Variants in SNTB2 observed in about 807,000 individuals in gnomAD.
SNTB2 encodes the protein beta-2-syntrophin.
Under a neutral mutation model 46.2 loss-of-function variants are expected in SNTB2, and 34 were observed. That is an observed-to-expected ratio of 0.74 (90% CI 0.56 to 0.98). The LOEUF (loss-of-function observed/expected upper bound fraction) is 0.98, where lower values mean the gene tolerates loss of function less well. SNTB2 is among the 50% of genes least tolerant of loss of function. The probability of loss-of-function intolerance (pLI) is 0.00; values close to 1 mark genes in which losing one functional copy is unlikely to be tolerated. For missense variants in SNTB2, 603 were observed against 731.4 expected (o/e 0.82, Z 2.02); for synonymous variants, 290 against 312.6 (o/e 0.93, Z 0.76).
At chr16:69,252,121 C>A (rs1302447651) in intron 2 of SNTB2, among the ~76,000 whole-genome samples, 2 of 152,170 alleles carry the variant, frequency 1.3e-5, no homozygotes, top group Non-Finnish European at 2.9e-5. Flanking sequence ...TTATCTAAAG[C>A]CTTCACTTTC....
intron 1 of SNTB2, among the ~76,000 whole-genome samples, chr16:69,218,854 A>T (rs1041257134): frequency 6.6e-6 from 1 of 152,164 alleles, no homozygotes; most frequent in Non-Finnish European, 1.5e-5. Flanking sequence ...CATGATTGCA[A>T]CTCCAGACAT....
intron 5 of SNTB2, among the ~76,000 whole-genome samples, chr16:69,298,583 G>T (rs540784888): frequency 1.4e-5 from 2 of 144,762 alleles, no homozygotes; most frequent in Non-Finnish European, 3.0e-5. Flanking sequence ...GTGCAGTGGC[G>T]TGATTTCATC....
At chr16:69,232,976 A>T (rs72795249) in intron 1 of SNTB2, among the ~76,000 whole-genome samples, 25 of 152,256 alleles carry the variant, frequency 1.6e-4, no homozygotes, top group Non-Finnish European at 2.6e-4. Context: ...TCAAAAAAGG[A>T]TATTTCTCCT....
chr16:69,299,182 G>A (rs990322628), intron 5 of SNTB2, among the ~76,000 whole-genome samples: 2 of 146,008 alleles, frequency 1.4e-5, no homozygotes, highest in African/African-American at 2.6e-5. Context: ...TTGCTCTGTC[G>A]CCCAGGGTGG....
chr16:69,198,173 A>G (rs999632827), intron 1 of SNTB2, among the ~76,000 whole-genome samples: 9 of 150,548 alleles, frequency 6.0e-5, no homozygotes, highest in Non-Finnish European at 1.2e-4. Context: ...TGCAGTGGCA[A>G]TCTCAGCTCA....
chr16:69,188,719 T>C (rs1411294178), intron 1 of SNTB2, among the ~76,000 whole-genome samples: 1 of 152,152 alleles, frequency 6.6e-6, no homozygotes, highest in Non-Finnish European at 1.5e-5. Context: ...TTGAAAAGAA[T>C]ATAAAAGAAG....
At chr16:69,192,771 C>T (rs537352662) in intron 1 of SNTB2, among the ~76,000 whole-genome samples, 2 of 152,012 alleles carry the variant, frequency 1.3e-5, no homozygotes, top group Non-Finnish European at 1.5e-5. Context: ...AAACAAAACT[C>T]GTGAAATAAT....
chr16:69,298,512 CTTTTTTTTTTTTT>C (rs34908270), intron 5 of SNTB2, among the ~76,000 whole-genome samples: 7 of 78,108 alleles, frequency 9.0e-5, no homozygotes, highest in African/African-American at 1.0e-4. Context: ...TTTACCAATT[CTTTTTTTTTTTTT>C]TTTTTTTTTT....
chr16:69,204,406 G>A (rs1372425029), intron 1 of SNTB2, among the ~76,000 whole-genome samples: 1 of 152,062 alleles, frequency 6.6e-6, no homozygotes, highest in Non-Finnish European at 1.5e-5. Flanking sequence ...TTCCATATAT[G>A]GAATATTATT....
chr16:69,247,896 T>C (rs1486454868), intron 2 of SNTB2, among the ~76,000 whole-genome samples: 1 of 152,134 alleles, frequency 6.6e-6, no homozygotes, highest in Non-Finnish European at 1.5e-5. Context: ...GTTAGAGAAT[T>C]GCTTAAAAGC....
chr16:69,223,916 C>T (rs574873464), intron 1 of SNTB2, among the ~76,000 whole-genome samples: 8 of 152,336 alleles, frequency 5.3e-5, no homozygotes, highest in African/African-American at 1.9e-4. Flanking sequence ...AGGCGTGAGC[C>T]ACCACACCCG....
intron 1 of SNTB2, among the ~76,000 whole-genome samples, chr16:69,206,171 G>GT (rs1224730153): frequency 2.0e-5 from 3 of 152,044 alleles, no homozygotes; most frequent in African/African-American, 4.8e-5. Context: ...ATTAAAAAAA[G>GT]TTTTTTTAGT....
chr16:69,202,226 T>C (rs941684278), intron 1 of SNTB2, among the ~76,000 whole-genome samples: 1 of 152,212 alleles, frequency 6.6e-6, no homozygotes, highest in South Asian at 2.1e-4. Context: ...TCATTGTTCA[T>C]GTGCTTCCTA....
intron 5 of SNTB2, among the ~76,000 whole-genome samples, chr16:69,294,964 A>G (rs1242541775): frequency 6.6e-6 from 1 of 151,570 alleles, no homozygotes; most frequent in Non-Finnish European, 1.5e-5. Context: ...GATTACAAGC[A>G]CACACTGCCA....
At chr16:69,286,106 T>G (rs969154802) in intron 5 of SNTB2, among the ~76,000 whole-genome samples, 2 of 151,946 alleles carry the variant, frequency 1.3e-5, no homozygotes, top group African/African-American at 4.8e-5. Context: ...CCACCACGCC[T>G]GGTCTTCGGT....
chr16:69,251,210 C>G (rs1475718247), intron 2 of SNTB2, among the ~76,000 whole-genome samples: 2 of 151,262 alleles, frequency 1.3e-5, no homozygotes, highest in Admixed American at 6.6e-5. Flanking sequence ...GATCTGCTGA[C>G]CTCGTGATCT....
chr16:69,296,617 G>A (rs1013523903), intron 5 of SNTB2, among the ~76,000 whole-genome samples: 1 of 151,704 alleles, frequency 6.6e-6, no homozygotes, highest in Non-Finnish European at 1.5e-5. Context: ...AGCTACTCGG[G>A]AGGCTGAGGC....
chr16:69,235,832 T>C, intron 1 of SNTB2: 1 of 1,289,308 alleles, frequency 7.8e-7, no homozygotes, highest in Non-Finnish European at 1.0e-6. Context: ...CCTGGAATTG[T>C]GGTGAGTTTG....
chr16:69,287,775 C>T (rs1278862085), intron 5 of SNTB2, among the ~76,000 whole-genome samples: 1 of 151,990 alleles, frequency 6.6e-6, no homozygotes, highest in Non-Finnish European at 1.5e-5. Context: ...ACAAGAATTG[C>T]TTGAACCTGG....
Sources: gnomAD v4.1 joint callset for allele counts (sites outside exome capture counted in the v4.1 genomes callset) on GRCh38, gnomAD v4.1.1 for gene constraint, MANE v1.5 for transcripts, NCBI Gene and HGNC (gene_info 2026-07-23, HGNC 2026-07-21) for gene names.